Variants in CSMD2 observed in about 807,000 individuals in gnomAD.
CSMD2 encodes CUB and sushi domain-containing protein 2.
A neutral mutation model predicts 398.5 loss-of-function variants in CSMD2; 130 were observed. The ratio of observed to expected loss-of-function variants is 0.33; its 90% CI spans 0.28 to 0.38. The LOEUF is 0.38. CSMD2 is among the 10% of genes least tolerant of loss of function. The pLI, the probability that CSMD2 is intolerant of heterozygous loss-of-function variation, is 1.00. For missense variants in CSMD2, 3,829 were observed against 4,764.9 expected (o/e 0.80, Z 5.78); for synonymous variants, 1,828 against 1,908.5 (o/e 0.96, Z 1.10).
At chr1:33,593,526 C>A (rs1639618272) in intron 44 of CSMD2, among the ~76,000 whole-genome samples, 1 of 152,140 alleles carries the variant, frequency 6.6e-6, no homozygotes, top group African/African-American at 2.4e-5. Flanking sequence ...GGGAAACTCC[C>A]ATTTTTTAAA....
chr1:33,992,293 G>A (rs1375146165), intron 3 of CSMD2, among the ~76,000 whole-genome samples: 1 of 152,014 alleles, frequency 6.6e-6, no homozygotes, highest in Non-Finnish European at 1.5e-5. Context: ...CTGAAGCCTC[G>A]ACCTCCCACC....
chr1:33,548,523 C>T (rs922653130), intron 56 of CSMD2, among the ~76,000 whole-genome samples: 8 of 152,180 alleles, frequency 5.3e-5, no homozygotes, highest in Non-Finnish European at 1.2e-4. Context: ...CAGTTGGGTC[C>T]ACTGCTTGCA....
chr1:33,557,950 C>T (rs754306076), intron 54 of CSMD2, 28 bp from the exon 55 acceptor site: 29 of 1,518,150 alleles, frequency 1.9e-5, no homozygotes, highest in Non-Finnish European at 2.6e-5. Flanking sequence ...TCCAAACAGG[C>T]ATGGATTCCC....
chr1:34,082,044 C>T (rs1364244446), intron 2 of CSMD2, among the ~76,000 whole-genome samples: 8 of 150,686 alleles, frequency 5.3e-5, no homozygotes, highest in Middle Eastern at 3.5e-3. Context: ...CGCCTCTTCC[C>T]GGCCGTCATC....
chr1:34,089,644 C>T (rs1658327037), intron 1 of CSMD2, among the ~76,000 whole-genome samples: 1 of 152,088 alleles, frequency 6.6e-6, no homozygotes, highest in Non-Finnish European at 1.5e-5. Context: ...CCTTGTCTTC[C>T]CAATTCCAAA....
intron 41 of CSMD2, 119 bp from the exon 42 acceptor site, chr1:33,605,589 G>T: frequency 9.7e-7 from 1 of 1,029,750 alleles, no homozygotes; most frequent in Non-Finnish European, 1.4e-6. Flanking sequence ...TCATGTACAA[G>T]TCATTGGCTT....
Position 33,709,246 on chromosome 1 carries a change from T to C in CSMD2, c.3419A>G (p.Asn1140Ser), listed in dbSNP as rs539912668. 1.2e-6 allele frequency: 2 copies of C among 1,613,498 alleles called. No homozygotes were observed. The highest frequency in any genetic ancestry group is 1.7e-4 in the Middle Eastern group (1 of 6,038). The change falls in exon 22 of 71, where the codon AAT (asparagine) becomes AGT (serine). Residue 1140 changes from asparagine to serine, a missense_variant. Asn to Ser is a conservative substitution (Grantham distance 46, BLOSUM62 1). Transcript: ENST00000373381. The stretch of plus-strand genomic sequence containing the variant: ...AGTACCCTGAGTGCCTGTGACTGAA[T>C]TCCCACACTCAGCTGGAAAGAGAAT... ...PLPRCVAECG[N>S]SVTGTQGTLL...
intron 29 of CSMD2, among the ~76,000 whole-genome samples, chr1:33,645,677 T>C (rs72890881): frequency 0.017 from 2,518 of 152,334 alleles, 57 homozygotes; most frequent in African/African-American, 0.056. Flanking sequence ...GCATGATATG[T>C]GCCAGGCACT....
intron 53 of CSMD2, among the ~76,000 whole-genome samples, chr1:33,563,045 C>A (rs952685851): frequency 2.3e-4 from 35 of 152,206 alleles, no homozygotes; most frequent in African/African-American, 8.4e-4. Flanking sequence ...AAGAATAAGG[C>A]ATCATTAGGA....
chr1:33,890,108 CAATTTTCTA>C (rs1641893127), intron 5 of CSMD2, among the ~76,000 whole-genome samples: 3 of 151,618 alleles, frequency 2.0e-5, no homozygotes, highest in Admixed American at 2.0e-4. Flanking sequence ...CAGTTTTTCT[CAATTTTCTA>C]AATTTTCTTT....
At chr1:33,713,680 C>A (rs1646064892) in intron 21 of CSMD2, among the ~76,000 whole-genome samples, 2 of 152,150 alleles carry the variant, frequency 1.3e-5, no homozygotes, top group South Asian at 4.1e-4. Flanking sequence ...CTAACCTCCA[C>A]ATCTCCTGTT....
At chr1:33,779,544 C>T (rs1196251414) in intron 12 of CSMD2, among the ~76,000 whole-genome samples, 1 of 152,156 alleles carries the variant, frequency 6.6e-6, no homozygotes, top group Non-Finnish European at 1.5e-5. Context: ...TTTGCAGAGC[C>T]CAGCCGCCCC....
chr1:34,110,456 T>G (rs1473121419), intron 1 of CSMD2, among the ~76,000 whole-genome samples: 2 of 151,946 alleles, frequency 1.3e-5, no homozygotes, highest in African/African-American at 4.8e-5. Context: ...TGTCCATCGA[T>G]AGTAGGCTGG....
chr1:33,616,960 A>C lies in CSMD2; in HGVS notation c.5962T>G (p.Ser1988Ala). 1 of 1,614,080 alleles carries C rather than the reference A, an allele frequency of 6.2e-7. No individual in the cohort carries two copies. The highest frequency in any genetic ancestry group is 2.2e-5 in the East Asian group (1 of 44,876). The change falls in exon 39 of 71, where the codon TCC becomes GCC. Residue 1988 changes from serine (S) to alanine (A), a missense_variant. Ser to Ala is a moderately conservative substitution (Grantham distance 99). Around this residue, in one of 5 missense-constraint regions of CSMD2, gnomAD observed 2,001 missense variants for 2,567.1 expected, o/e 0.78. Coordinates refer to ENST00000373381, the MANE Select transcript of CSMD2 (RefSeq NM_001281956.2). ...CGCCGCACTGTTCCGGGCATGCAGG[A>C]GATGTGGGCGTGGCCCTGGAGGAAT... Reference protein sequence around the residue: ...GYALQGHAHISCMPGTVRRWN... With the variant: ...GYALQGHAHIACMPGTVRRWN...
At chr1:33,640,814 G>A (rs1409133236) in intron 29 of CSMD2, among the ~76,000 whole-genome samples, 1 of 152,146 alleles carries the variant, frequency 6.6e-6, no homozygotes, top group Admixed American at 6.5e-5. Flanking sequence ...ATATAAGATA[G>A]TTCTAATTTG....
In CSMD2 at chr1:33,691,846, C is replaced by T. The variant is rs560124187; in HGVS notation, c.4052+1084G>A. Among the ~76,000 whole-genome samples, 12 of 152,296 alleles carry T rather than the reference C, an allele frequency of 7.9e-5. No homozygotes were observed. In the South Asian group the frequency reaches 2.3e-3, roughly 29 times the overall value. On this transcript the variant is annotated intron_variant, in intron 25 of 70. Coordinates refer to ENST00000373381, the MANE Select transcript of CSMD2 (RefSeq NM_001281956.2). The stretch of plus-strand genomic sequence containing the variant: ...CCTTACCCATGTGTTTCCCCTACTC[C>T]AGCCAGACTGTTTCCCCCCCAATTC...
chr1:34,139,324 C>T (rs1291758707), intron 1 of CSMD2, among the ~76,000 whole-genome samples: 2 of 152,186 alleles, frequency 1.3e-5, no homozygotes, highest in African/African-American at 4.8e-5. Flanking sequence ...CCCCCCTCAC[C>T]ATGTGATGCC....
intron 12 of CSMD2, among the ~76,000 whole-genome samples, chr1:33,784,001 A>G (rs1653184119): frequency 6.8e-6 from 1 of 147,240 alleles, no homozygotes; most frequent in Non-Finnish European, 1.5e-5. Flanking sequence ...TCCCTATCCC[A>G]GGGCATTTTG....
intron 12 of CSMD2, 62 bp downstream of exon 12, chr1:33,788,538 A>AAATCCAGACCCCGTCTCTGACTCCC (rs1653830377): frequency 7.7e-6 from 7 of 907,584 alleles, no homozygotes; most frequent in Non-Finnish European, 1.8e-6. Flanking sequence ...TTCTGACTGC[A>AAATCCAGACCCCGTCTCTGACTCCC]AATCCAGACC....
Sources: gnomAD v4.1 joint callset for allele counts (sites outside exome capture counted in the v4.1 genomes callset) on GRCh38, gnomAD v4.1.1 for gene constraint, gnomAD v4.1.1 regional missense constraint, MANE v1.5 for transcripts, NCBI Gene and HGNC (gene_info 2026-07-23, HGNC 2026-07-21) for gene names.